The following CSMD1 variants were observed in gnomAD, a reference collection of about 807,000 sequenced individuals.
The protein encoded by CSMD1 is CUB and sushi domain-containing protein 1.
CSMD1 carries 213 observed loss-of-function variants against 417.5 expected under a neutral mutation model. The ratio of observed to expected loss-of-function variants is 0.51; its 90% CI spans 0.46 to 0.57. The LOEUF (loss-of-function observed/expected upper bound fraction) is 0.57, where lower values mean the gene tolerates loss of function less well. CSMD1 is among the 20% of genes least tolerant of loss of function. CSMD1 has a pLI of 0.00. For missense variants in CSMD1, 6,923 were observed against 4,529.7 expected (o/e 1.53, Z -15.17); for synonymous variants, 2,862 against 1,736.8 (o/e 1.65, Z -16.11).
At chr8:3,907,746 G>A (rs1472107176) in intron 5 of CSMD1, among the ~76,000 whole-genome samples, 1 of 152,180 alleles carries the variant, frequency 6.6e-6, no homozygotes, top group Non-Finnish European at 1.5e-5. Flanking sequence ...TCTCAGACCT[G>A]CCTGTGTCAG....
chr8:3,413,381 T>G (rs1026961650), intron 12 of CSMD1, among the ~76,000 whole-genome samples: 19 of 152,166 alleles, frequency 1.2e-4, no homozygotes, highest in African/African-American at 4.6e-4. Context: ...AGACCTGTGG[T>G]TAGCTGATCC....
chr8:3,097,982 T>C (rs1210424241), intron 46 of CSMD1, among the ~76,000 whole-genome samples: 4 of 152,196 alleles, frequency 2.6e-5, no homozygotes, highest in Admixed American at 1.3e-4. Flanking sequence ...AAAATTATTA[T>C]TCAACTACTT....
chr8:4,963,755 T>A (rs539962597), intron 1 of CSMD1, among the ~76,000 whole-genome samples: 1 of 152,152 alleles, frequency 6.6e-6, no homozygotes. Context: ...CTTGGTCACT[T>A]AACAAAATAA....
chr8:4,381,224 T>C (rs546352712), intron 3 of CSMD1, among the ~76,000 whole-genome samples: 1 of 152,272 alleles, frequency 6.6e-6, no homozygotes, highest in East Asian at 1.9e-4. Context: ...TAAAATGCTG[T>C]CCCAGTGAGA....
chr8:4,253,371 T>A (rs989116040), intron 3 of CSMD1, among the ~76,000 whole-genome samples: 1 of 149,250 alleles, frequency 6.7e-6, no homozygotes, highest in Non-Finnish European at 1.5e-5. Context: ...CGCATTTAAA[T>A]GCATTTTTTT....
At chr8:3,458,859 AC>A (rs1816316751) in intron 12 of CSMD1, among the ~76,000 whole-genome samples, 1 of 152,232 alleles carries the variant, frequency 6.6e-6, no homozygotes, top group Non-Finnish European at 1.5e-5. Flanking sequence ...TCGAGGACAC[AC>A]AAAACACTCT....
At chr8:4,028,961 G>A (rs1160855845) in intron 4 of CSMD1, among the ~76,000 whole-genome samples, 1 of 152,156 alleles carries the variant, frequency 6.6e-6, no homozygotes, top group Non-Finnish European at 1.5e-5. Context: ...TGTAAAAATA[G>A]CAGTGTTGCA....
chr8:4,213,794 A>G (rs1264653191), intron 3 of CSMD1, among the ~76,000 whole-genome samples: 1 of 152,206 alleles, frequency 6.6e-6, no homozygotes, highest in Non-Finnish European at 1.5e-5. Flanking sequence ...GGTGGAACGC[A>G]AACTAACTTG....
chr8:4,757,211 A>G (rs896702087), intron 1 of CSMD1, among the ~76,000 whole-genome samples: 1 of 152,216 alleles, frequency 6.6e-6, no homozygotes, highest in Non-Finnish European at 1.5e-5. Flanking sequence ...TAGCTGTTTT[A>G]CTTCAGGTTC....
chr8:4,674,872 G>T (rs2130957896), intron 1 of CSMD1, among the ~76,000 whole-genome samples: 1 of 152,256 alleles, frequency 6.6e-6, no homozygotes, highest in Admixed American at 6.5e-5. Context: ...AGCTTTACAT[G>T]ACGTTAGAAG....
intron 3 of CSMD1, among the ~76,000 whole-genome samples, chr8:4,117,547 T>C (rs904824667): frequency 5.3e-5 from 8 of 152,196 alleles, no homozygotes; most frequent in South Asian, 2.1e-4. Flanking sequence ...TACTCACTGA[T>C]TGTGACAGCT....
chr8:4,567,239 GA>G (rs1286200349), intron 2 of CSMD1, among the ~76,000 whole-genome samples: 1 of 152,144 alleles, frequency 6.6e-6, no homozygotes, highest in Non-Finnish European at 1.5e-5. Context: ...ATAAGTGAGT[GA>G]ATGAATGGTT....
intron 5 of CSMD1, among the ~76,000 whole-genome samples, chr8:3,893,446 C>T (rs1159996549): frequency 1.3e-5 from 2 of 149,158 alleles, no homozygotes; most frequent in African/African-American, 4.9e-5. Context: ...CCAATGAGGA[C>T]AGTATGATAG....
chr8:4,092,003 A>G (rs1306723873), intron 3 of CSMD1, among the ~76,000 whole-genome samples: 2 of 152,188 alleles, frequency 1.3e-5, no homozygotes, highest in Non-Finnish European at 2.9e-5. Flanking sequence ...AAGTGAAGCT[A>G]CTTTTACATA....
chr8:3,268,287 C>CTTTTTTTTTTTTTTTTTTTTTTTT lies in CSMD1; in HGVS notation c.4153+15856_4153+15857insAAAAAAAAAAAAAAAAAAAAAAAA, dbSNP rs1172040830. On this transcript the variant is annotated intron_variant, in intron 26 of 69. Coordinates refer to ENST00000635120, the MANE Select transcript of CSMD1 (RefSeq NM_033225.6). Reference sequence around the variant, plus strand: ...AGGGTGTGGTCAGATGGTTCATTTCCTATTTTTTTTTTTTTTTTTTTTTTT... The same window carrying CTTTTTTTTTTTTTTTTTTTTTTTT: ...AGGGTGTGGTCAGATGGTTCATTTCCTTTTTTTTTTTTTTTTTTTTTTTTTATTTTTTTTTTTTTTTTTTTTTTT... 2.6e-5 allele frequency among the ~76,000 whole-genome samples: 3 copies of CTTTTTTTTTTTTTTTTTTTTTTTT among 114,650 alleles called. 1 individual carries two copies. The highest frequency in any genetic ancestry group is 3.4e-5 in the Non-Finnish European group (2 of 58,092). 75.2% of individuals were successfully genotyped at this position (114,650 alleles called of 152,430 possible).
chr8:3,057,195 G>C (rs575745630), intron 49 of CSMD1, among the ~76,000 whole-genome samples: 73 of 152,162 alleles, frequency 4.8e-4, no homozygotes, highest in Non-Finnish European at 8.5e-4. Flanking sequence ...ATACCTATGA[G>C]TATCATATAT....
At position 4,745,303 on chromosome 8, in the gene CSMD1, G is replaced by A. The variant is rs74556210; in HGVS notation, c.86-107745C>T. Among the ~76,000 whole-genome samples the A allele has an allele frequency of 1.6e-3, 246 of 152,172 alleles. 5 individuals are homozygous for A. In the East Asian group the frequency reaches 0.024, roughly 15 times the overall value. On this transcript the variant is annotated intron_variant, in intron 1 of 69. Coordinates refer to ENST00000635120, the MANE Select transcript of CSMD1 (RefSeq NM_033225.6). ...ATTAAAAACACTATTGCAGCCTAAT[G>A]GATTACACTCTGGTTTTATTACTAA...
Position 4,041,273 on chromosome 8 carries a change from T to C in CSMD1, c.416-9174A>G, listed in dbSNP as rs541702531. The stretch of plus-strand genomic sequence containing the variant: ...ACCTCGTGATCCGCCCGCCTCGGCC[T>C]CCCAAAGTACGGGGATTACATGCGT... On this transcript the variant is annotated intron_variant, in intron 3 of 69. Coordinates refer to ENST00000635120, the MANE Select transcript of CSMD1 (RefSeq NM_033225.6). 2.0e-4 allele frequency among the ~76,000 whole-genome samples: 29 copies of C among 143,206 alleles called. No homozygotes were observed. The East Asian group carries it at 5.5e-3, about 27-fold the overall frequency. 93.9% of individuals were successfully genotyped at this position (143,206 alleles called of 152,430 possible). A position where few individuals can be genotyped will look rare whatever the true frequency, so the allele number is the denominator to read the frequency against.
At chr8:4,803,418 T>C (rs1798417653) in intron 1 of CSMD1, among the ~76,000 whole-genome samples, 1 of 152,190 alleles carries the variant, frequency 6.6e-6, no homozygotes, top group African/African-American at 2.4e-5. Context: ...TCTAGATTTG[T>C]CTCTTGTCTC....
Sources: allele counts gnomAD v4.1 joint callset (sites outside exome capture counted in the v4.1 genomes callset), GRCh38; gene constraint gnomAD v4.1.1; transcripts MANE v1.5; gene names NCBI Gene and HGNC (gene_info 2026-07-23, HGNC 2026-07-21).